The following NBEA variants were observed in gnomAD, a reference collection of about 807,000 sequenced individuals.
NBEA encodes the protein lysosomal-trafficking regulator 2.
A neutral mutation model predicts 343.4 loss-of-function variants in NBEA; 44 were observed. The observed-to-expected ratio is 0.13, with a 90% CI of 0.10 to 0.16. The LOEUF (loss-of-function observed/expected upper bound fraction) is 0.16. Ranked by LOEUF, NBEA falls within the 10% of genes least tolerant of loss-of-function variation. The pLI, the probability that NBEA is intolerant of heterozygous loss-of-function variation, is 1.00. For synonymous variants in NBEA, 1,175 were observed against 1,238.7 expected (o/e 0.95, Z 1.08); for missense variants, 2,555 against 3,631.3 (o/e 0.70, Z 7.62).
intron 10 of NBEA, among the ~76,000 whole-genome samples, chr13:35,074,359 G>A (rs1305867503): frequency 6.6e-6 from 1 of 152,004 alleles, no homozygotes; most frequent in East Asian, 1.9e-4. Flanking sequence ...TTAAGAACAT[G>A]GGTAATTATG....
Position 35,645,893 on chromosome 13 carries a change from G to A in NBEA, c.7642G>A (p.Asp2548Asn). ...REIPEAYFIR[D>N]PHTFLLTKDF... The stretch of plus-strand genomic sequence containing the variant: ...GATTCCAGAAGCTTATTTCATTAGA[G>A]ACCCCCACACTTTCCTTCTTACAAA... Residue 2548 changes from aspartate (D) to asparagine (N), a missense_variant, in exon 50 of 59, where the codon GAC becomes AAC. By Grantham distance (23) the Asp-to-Asn change is conservative. Coordinates refer to ENST00000379939, the MANE Select transcript of NBEA (RefSeq NM_001385012.1). 1 of 1,576,668 alleles carries A rather than the reference G, an allele frequency of 6.3e-7. No homozygotes were observed. Among genetic ancestry groups the A allele is most frequent in the Non-Finnish European group, 8.6e-7 (1 of 1,157,298 alleles).
intron 1 of NBEA, among the ~76,000 whole-genome samples, chr13:34,969,048 A>G (rs1017531813): frequency 4.0e-5 from 6 of 151,484 alleles, no homozygotes; most frequent in African/African-American, 1.2e-4. Context: ...CATGACTTTT[A>G]TCACATTCCT....
At chr13:35,607,273 T>A (rs113635727) in intron 48 of NBEA, among the ~76,000 whole-genome samples, 2,289 of 152,252 alleles carry the variant, frequency 0.015, 30 homozygotes, top group Non-Finnish European at 0.02. Flanking sequence ...CACGCACTGA[T>A]CTTGAACTCC....
At chr13:35,478,047 G>T (rs935612816) in intron 41 of NBEA, among the ~76,000 whole-genome samples, 1 of 151,944 alleles carries the variant, frequency 6.6e-6, no homozygotes, top group Non-Finnish European at 1.5e-5. Context: ...AATATTTCCC[G>T]TCAAATCCTA....
chr13:35,315,595 TA>T (rs976061593), intron 36 of NBEA, among the ~76,000 whole-genome samples: 6 of 152,114 alleles, frequency 3.9e-5, no homozygotes, highest in African/African-American at 1.4e-4. Context: ...GTCACTCTTT[TA>T]AAAGAATATA....
intron 36 of NBEA, among the ~76,000 whole-genome samples, chr13:35,347,637 T>C (rs1209995888): frequency 6.6e-6 from 1 of 152,104 alleles, no homozygotes; most frequent in Non-Finnish European, 1.5e-5. Context: ...AACAAAATGA[T>C]ATTAGTTATT....
chr13:34,987,433 C>T (rs2060591115), intron 1 of NBEA, among the ~76,000 whole-genome samples: 1 of 150,722 alleles, frequency 6.6e-6, no homozygotes, highest in Non-Finnish European at 1.5e-5. Context: ...AACATTTTTT[C>T]CTTCTTTTCA....
intron 10 of NBEA, among the ~76,000 whole-genome samples, chr13:35,091,071 G>C (rs902880549): frequency 1.3e-5 from 2 of 151,874 alleles, no homozygotes; most frequent in Admixed American, 6.6e-5. Context: ...ACGTTGTTCT[G>C]TTATGGCCCA....
chr13:35,611,108 A>G (rs1476747442), intron 48 of NBEA, among the ~76,000 whole-genome samples: 1 of 151,608 alleles, frequency 6.6e-6, no homozygotes, highest in East Asian at 1.9e-4. Context: ...TGAAATTCAC[A>G]TATCCTGCTG....
intron 1 of NBEA, among the ~76,000 whole-genome samples, chr13:34,961,520 A>G (rs2059661551): frequency 1.3e-5 from 2 of 152,020 alleles, no homozygotes; most frequent in South Asian, 4.1e-4. Flanking sequence ...ATTGGATCTA[A>G]ATATGTATAT....
chr13:35,417,416 C>G (rs532000815), intron 38 of NBEA, among the ~76,000 whole-genome samples: 1 of 151,856 alleles, frequency 6.6e-6, no homozygotes, highest in Admixed American at 6.6e-5. Context: ...AATGTGTCCC[C>G]GAGATTCTGC....
At chr13:35,039,895 A>G (rs2062586701) in intron 1 of NBEA, among the ~76,000 whole-genome samples, 1 of 152,064 alleles carries the variant, frequency 6.6e-6, no homozygotes, top group Admixed American at 6.6e-5. Context: ...AGCCACCTTC[A>G]ATGTTTTTTG....
intron 34 of NBEA, among the ~76,000 whole-genome samples, chr13:35,284,015 C>CA (rs1555355328): frequency 0.21 from 31,680 of 150,150 alleles, 3,507 homozygotes; most frequent in East Asian, 0.45. Context: ...CACACACACA[C>CA]CACACAGATG....
intron 13 of NBEA, among the ~76,000 whole-genome samples, chr13:35,116,564 C>T (rs934887481): frequency 4.5e-4 from 69 of 151,848 alleles, no homozygotes; most frequent in African/African-American, 1.6e-3. Flanking sequence ...TGGATAATAA[C>T]TTGCTTGCAG....
chr13:35,630,175 G>T (rs1262257009), intron 49 of NBEA, among the ~76,000 whole-genome samples: 4 of 152,064 alleles, frequency 2.6e-5, no homozygotes. Flanking sequence ...ATTTAAATGA[G>T]GGTTTAAAAA....
intron 13 of NBEA, among the ~76,000 whole-genome samples, chr13:35,112,788 CA>C (rs757148655): frequency 6.6e-6 from 1 of 152,080 alleles, no homozygotes; most frequent in Admixed American, 6.5e-5. Context: ...GATATATACA[CA>C]TTTTTTTTCT....
At chr13:35,272,638 T>C (rs1594029817) in intron 34 of NBEA, among the ~76,000 whole-genome samples, 1 of 151,196 alleles carries the variant, frequency 6.6e-6, no homozygotes, top group African/African-American at 2.4e-5. Flanking sequence ...ACACATAGGC[T>C]CAAAATAAAG....
At chr13:35,130,523 T>C (rs1000145842) in intron 17 of NBEA, among the ~76,000 whole-genome samples, 5 of 152,018 alleles carry the variant, frequency 3.3e-5, no homozygotes, top group African/African-American at 4.8e-5. Context: ...TGTAATTCAC[T>C]AGGAATGTAA....
intron 38 of NBEA, among the ~76,000 whole-genome samples, chr13:35,407,785 C>T (rs1183979499): frequency 1.3e-5 from 2 of 152,122 alleles, no homozygotes; most frequent in African/African-American, 4.8e-5. Flanking sequence ...AATCAAGTAC[C>T]TAGGAATACA....
Sources: gnomAD v4.1 joint callset for allele counts (sites outside exome capture counted in the v4.1 genomes callset) on GRCh38, gnomAD v4.1.1 for gene constraint, MANE v1.5 for transcripts, NCBI Gene and HGNC (gene_info 2026-07-23, HGNC 2026-07-21) for gene names.